Variants in SASH1 observed in about 807,000 individuals in gnomAD.
SASH1 encodes SAM and SH3 domain containing 1.
In SASH1, 44 loss-of-function variants were observed where a neutral mutation model predicts 125.2. The observed-to-expected ratio is 0.35, with a 90% confidence interval of 0.28 to 0.45. The LOEUF is 0.45. Ranked by LOEUF, SASH1 falls within the 20% of genes least tolerant of loss-of-function variation. The probability of loss-of-function intolerance (pLI) is 1.00; values close to 1 mark genes in which losing one functional copy is unlikely to be tolerated. For synonymous variants in SASH1, 639 were observed against 649.1 expected (o/e 0.98, Z 0.24); for missense variants, 1,426 against 1,614.5 (o/e 0.88, Z 2.00).
the SASH1 span, among the ~76,000 whole-genome samples, chr6:148,203,456 G>A: frequency 6.6e-6 from 1 of 152,148 alleles, no homozygotes; most frequent in African/African-American, 2.4e-5. Context: ...GGAAAACTTG[G>A]GGAACGCTGT....
chr6:148,523,194 T>C (rs1780918899), intron 10 of SASH1, among the ~76,000 whole-genome samples: 1 of 152,202 alleles, frequency 6.6e-6, no homozygotes, highest in Admixed American at 6.5e-5. Flanking sequence ...GATGCTGTGG[T>C]TTAAAGCAGG....
chr6:148,316,829 G>T (rs916347972), intron 1 of SASH1, among the ~76,000 whole-genome samples: 1 of 152,150 alleles, frequency 6.6e-6, no homozygotes. Context: ...GTATGTCAGG[G>T]GTTATAGAAT....
intron 8 of SASH1, among the ~76,000 whole-genome samples, chr6:148,496,975 T>G (rs1779341330): frequency 6.6e-6 from 1 of 152,224 alleles, no homozygotes; most frequent in South Asian, 2.1e-4. Flanking sequence ...TTATTCTGAT[T>G]TTTATGGATA....
upstream of SASH1, among the ~76,000 whole-genome samples, chr6:148,271,021 T>C (rs1194398071): frequency 1.3e-5 from 2 of 151,952 alleles, no homozygotes; most frequent in Admixed American, 6.6e-5. Flanking sequence ...GTGATTCTCC[T>C]GTCTCAGCCT....
Position 148,544,401 on chromosome 6 carries a change from G to T in SASH1, c.2931G>T (p.Gln977His). 1 of 1,614,190 alleles carries T rather than the reference G, an allele frequency of 6.2e-7. No individual in the cohort carries two copies. The highest frequency in any genetic ancestry group is 1.7e-5 in the Admixed American group (1 of 60,028). The change falls in exon 18 of 20, where the codon CAG (glutamine) becomes CAT (histidine). Residue 977 changes from glutamine to histidine, a missense_variant. By Grantham distance (24) the Gln-to-His change is conservative. Coordinates refer to ENST00000367467, the MANE Select transcript of SASH1 (RefSeq NM_015278.5). The surrounding 1 kb of genome is among the most constrained non-coding windows in gnomAD (Gnocchi z 6.4). ...GGGTAGATGCTGAGCAGAGAATGCA[G>T]CCCAAAATTCCATCACAGCCTCCAC... Reference protein sequence around the residue: ...KEGVDAEQRMQPKIPSQPPPV... With the variant: ...KEGVDAEQRMHPKIPSQPPPV...
the SASH1 span, among the ~76,000 whole-genome samples, chr6:148,253,954 C>T: frequency 6.6e-6 from 1 of 151,930 alleles, no homozygotes; most frequent in South Asian, 2.1e-4. Flanking sequence ...GCCTGTAATC[C>T]TAGCACTTCG....
chr6:148,411,375 G>A (rs1784625187), intron 2 of SASH1, among the ~76,000 whole-genome samples: 1 of 151,886 alleles, frequency 6.6e-6, no homozygotes, highest in African/African-American at 2.4e-5. Context: ...ACATAACATA[G>A]AAGACAAGAT....
intron 17 of SASH1, among the ~76,000 whole-genome samples, chr6:148,543,040 G>T (rs1486854448): frequency 6.6e-6 from 1 of 152,226 alleles, no homozygotes; most frequent in Non-Finnish European, 1.5e-5. Flanking sequence ...TCAGTTATCA[G>T]TCTGGCAGTT....
intron 1 of SASH1, among the ~76,000 whole-genome samples, chr6:148,323,859 G>T (rs899862363): frequency 1.3e-5 from 2 of 152,088 alleles, no homozygotes; most frequent in East Asian, 3.9e-4. Context: ...GGGCGCAGTG[G>T]CTCATGCCTG....
chr6:148,405,992 A>G lies in SASH1; in HGVS notation c.285+15730A>G, dbSNP rs145507568. On this transcript the variant is annotated intron_variant, in intron 2 of 19. Transcript: ENST00000367467. ...TGTGCTGGAAGTGGCCTCCATGGTA[A>G]AAGAAAACTTAGAGACATTTTCTGC... Among the ~76,000 whole-genome samples, 19 of 152,312 alleles carry G rather than the reference A, an allele frequency of 1.2e-4. No homozygotes were observed. In the Middle Eastern group the frequency reaches 0.01, roughly 82 times the overall value.
At chr6:148,230,805 T>C in the SASH1 span, among the ~76,000 whole-genome samples, 1 of 152,228 alleles carries the variant, frequency 6.6e-6, no homozygotes, top group Non-Finnish European at 1.5e-5. Flanking sequence ...TTGGATCTTT[T>C]GCCCATCTTA....
At chr6:148,520,743 GA>G (rs1314892147) in intron 10 of SASH1, among the ~76,000 whole-genome samples, 1 of 152,188 alleles carries the variant, frequency 6.6e-6, no homozygotes, top group African/African-American at 2.4e-5. Context: ...ATTCAAAACA[GA>G]AGGGCATTTC....
intron 2 of SASH1, among the ~76,000 whole-genome samples, chr6:148,439,794 A>G (rs1435236638): frequency 7.3e-5 from 11 of 151,214 alleles, no homozygotes; most frequent in Non-Finnish European, 5.9e-5. Flanking sequence ...AAAAAATTGG[A>G]TTGGAAGTCT....
intron 2 of SASH1, among the ~76,000 whole-genome samples, chr6:148,437,279 A>G (rs939088210): frequency 2.0e-5 from 3 of 152,206 alleles, no homozygotes; most frequent in Admixed American, 2.0e-4. Flanking sequence ...TCAGTTGTGC[A>G]ATATTTTTAC....
chr6:148,227,899 C>T, the SASH1 span, among the ~76,000 whole-genome samples: 5 of 152,028 alleles, frequency 3.3e-5, no homozygotes, highest in South Asian at 4.1e-4. Flanking sequence ...TGTCATACTC[C>T]GATGTAACCT....
chr6:148,436,550 G>A (rs1038033126), intron 2 of SASH1, among the ~76,000 whole-genome samples: 1 of 152,056 alleles, frequency 6.6e-6, no homozygotes, highest in African/African-American at 2.4e-5. Flanking sequence ...AAAAACCAAA[G>A]GGGCAATACA....
intron 8 of SASH1, among the ~76,000 whole-genome samples, chr6:148,512,270 G>A (rs979916910): frequency 6.6e-6 from 1 of 152,154 alleles, no homozygotes; most frequent in South Asian, 2.1e-4. Flanking sequence ...CTCCCACCTC[G>A]GCCTCCCAAA....
intron 1 of SASH1, among the ~76,000 whole-genome samples, chr6:148,330,940 A>G (rs1780978157): frequency 6.6e-6 from 1 of 152,138 alleles, no homozygotes; most frequent in Admixed American, 6.6e-5. Flanking sequence ...AGGAAGTGTG[A>G]TTCTAAAGAT....
At chr6:148,220,370 G>T in the SASH1 span, among the ~76,000 whole-genome samples, 1 of 152,102 alleles carries the variant, frequency 6.6e-6, no homozygotes, top group Non-Finnish European at 1.5e-5. Context: ...CCCTCCAGCC[G>T]TCTTGTAAGG....
Sources: allele counts gnomAD v4.1 joint callset (sites outside exome capture counted in the v4.1 genomes callset), GRCh38; gene constraint gnomAD v4.1.1; non-coding constraint Gnocchi (gnomAD v3.1); transcripts MANE v1.5; gene names NCBI Gene and HGNC (gene_info 2026-07-23, HGNC 2026-07-21).